The following MAST2 variants were observed in gnomAD, a reference collection of about 807,000 sequenced individuals.
The protein encoded by MAST2 is microtubule-associated serine/threonine-protein kinase 2.
A neutral mutation model predicts 147.4 loss-of-function variants in MAST2; 70 were observed. That is an observed-to-expected ratio of 0.47 (90% CI 0.39 to 0.58). MAST2 has a LOEUF of 0.58. Ranked by LOEUF, MAST2 falls within the 20% of genes least tolerant of loss-of-function variation. The pLI is 0.00. For synonymous variants in MAST2, 869 were observed against 896.8 expected (o/e 0.97, Z 0.55); for missense variants, 2,080 against 2,302.3 (o/e 0.90, Z 1.98).
chr1:45,934,070 C>A (rs1655807389), intron 4 of MAST2, among the ~76,000 whole-genome samples: 1 of 152,050 alleles, frequency 6.6e-6, no homozygotes, highest in Middle Eastern at 3.4e-3. Context: ...TCCCTCCTCC[C>A]ACCCTCCACC....
intron 11 of MAST2, among the ~76,000 whole-genome samples, chr1:46,020,523 T>C (rs897400576): frequency 3.9e-5 from 6 of 152,208 alleles, no homozygotes; most frequent in African/African-American, 1.4e-4. Context: ...TTTACTTTTT[T>C]CTTAAAAAAT....
chr1:45,870,890 C>G (rs1646359462), intron 3 of MAST2, among the ~76,000 whole-genome samples: 1 of 151,976 alleles, frequency 6.6e-6, no homozygotes, highest in African/African-American at 2.4e-5. Context: ...GATTGTGCCC[C>G]TGTACTCCAG....
chr1:45,875,202 T>G (rs1174324731), intron 3 of MAST2, among the ~76,000 whole-genome samples: 1 of 152,218 alleles, frequency 6.6e-6, no homozygotes, highest in Non-Finnish European at 1.5e-5. Context: ...TCCCAGCACT[T>G]TGGGCGACCG....
At chr1:45,992,017 C>T (rs77916237) in intron 5 of MAST2, among the ~76,000 whole-genome samples, 1 of 152,216 alleles carries the variant, frequency 6.6e-6, no homozygotes, top group East Asian at 1.9e-4. Flanking sequence ...GTATGAGCCA[C>T]TGCACCCAGT....
In MAST2 at chr1:46,035,778, G is replaced by A. The variant is rs201472561; in HGVS notation, c.5109G>A (p.Gly1703=). 5.6e-4 allele frequency: 907 copies of A among 1,614,072 alleles called. 8 individuals carry two copies. The East Asian group carries it at 0.019, about 33-fold the overall frequency. The part of the protein sequence containing the change: ...QPKNLSPREQ[G]KTQPPSAPRL... ...AGAACCTGTCTCCCAGGGAGCAGGGGAAGACACAGCCACCTAGTGCCCCCA... is the reference window on the plus strand; with the variant it reads ...AGAACCTGTCTCCCAGGGAGCAGGGAAAGACACAGCCACCTAGTGCCCCCA... The change falls in exon 29 of 29, where the codon GGG becomes GGA. Residue 1703 remains glycine, a synonymous_variant. Coordinates refer to ENST00000361297, the MANE Select transcript of MAST2 (RefSeq NM_015112.3). The surrounding 1 kb of genome is among the most constrained non-coding windows in gnomAD (Gnocchi z 5.5).
In MAST2 at chr1:46,023,038, C is replaced by T. The variant is rs987442103; in HGVS notation, c.1485+67C>T. ...CCTATGAAGCAAAGAGCTATGAATT[C>T]TCTTTAAGAGAATATCTGAGGAAGG... On this transcript the variant is annotated intron_variant, in intron 13 of 28. Coordinates refer to ENST00000361297, the MANE Select transcript of MAST2 (RefSeq NM_015112.3). The surrounding 1 kb of genome is among the most constrained non-coding windows in gnomAD (Gnocchi z 4.9). 1 of 1,475,876 alleles carries T rather than the reference C, an allele frequency of 6.8e-7. No homozygotes were observed. The highest frequency in any genetic ancestry group is 1.1e-5 in the South Asian group (1 of 87,306). The allele number at this position is 1,475,876 out of a possible 1,614,324, so 91.4% of individuals were successfully genotyped here.
intron 4 of MAST2, among the ~76,000 whole-genome samples, chr1:45,912,534 C>A (rs1270763337): frequency 6.6e-6 from 1 of 152,020 alleles, no homozygotes; most frequent in South Asian, 2.1e-4. Context: ...GAGGTGTGAC[C>A]CACATTTGAA....
chr1:45,805,371 T>A (rs937489542), intron 1 of MAST2, among the ~76,000 whole-genome samples: 1 of 152,182 alleles, frequency 6.6e-6, no homozygotes, highest in Non-Finnish European at 1.5e-5. Context: ...GCCCTTGGAC[T>A]TTTCCCCCCT....
intron 3 of MAST2, among the ~76,000 whole-genome samples, chr1:45,879,630 G>A (rs1570506695): frequency 6.9e-6 from 1 of 145,722 alleles, no homozygotes; most frequent in East Asian, 2.0e-4. Context: ...CCACAGATTA[G>A]AACATATTTA....
intron 4 of MAST2, among the ~76,000 whole-genome samples, chr1:45,897,326 G>T (rs1366883680): frequency 3.9e-5 from 6 of 152,110 alleles, no homozygotes; most frequent in Non-Finnish European, 7.4e-5. Context: ...TTGCTAAATG[G>T]GGTGAAAGCA....
chr1:45,970,142 C>CT (rs1274904741), intron 5 of MAST2, among the ~76,000 whole-genome samples: 1 of 152,216 alleles, frequency 6.6e-6, no homozygotes, highest in African/African-American at 2.4e-5. Flanking sequence ...AAAACAGTTC[C>CT]TTTTCCCTCC....
At chr1:45,804,643 G>A (rs1644085967) in intron 1 of MAST2, among the ~76,000 whole-genome samples, 1 of 152,176 alleles carries the variant, frequency 6.6e-6, no homozygotes, top group Admixed American at 6.5e-5. Flanking sequence ...CCAATTTTGT[G>A]AACAGAATTC....
chr1:45,860,835 A>C (rs892368896), intron 3 of MAST2, among the ~76,000 whole-genome samples: 1 of 150,734 alleles, frequency 6.6e-6, no homozygotes, highest in Non-Finnish European at 1.5e-5. Flanking sequence ...TCCGTCTCCA[A>C]AAAAAAAAAT....
At chr1:45,921,729 C>G (rs183517803) in intron 4 of MAST2, among the ~76,000 whole-genome samples, 46 of 152,326 alleles carry the variant, frequency 3.0e-4, no homozygotes, top group South Asian at 6.2e-4. Context: ...GCAGGAGTCA[C>G]AGCTCAGGCT....
chr1:45,870,973 T>G (rs1223165833), intron 3 of MAST2, among the ~76,000 whole-genome samples: 1 of 152,036 alleles, frequency 6.6e-6, no homozygotes, highest in African/African-American at 2.4e-5. Context: ...AAGATTTTTT[T>G]TGTTGTTGTT....
Position 45,933,062 on chromosome 1 carries a change from T to TAA in MAST2, c.501-26324_501-26323insAA, listed in dbSNP as rs1241852291. On this transcript the variant is annotated intron_variant, in intron 4 of 28. Transcript: ENST00000361297. ...AGCAACTTAGTGAGACCCCATTTCTTTAAAAAAAAAAAAAAAAAAAAAAAA... is the reference window on the plus strand; with the variant it reads ...AGCAACTTAGTGAGACCCCATTTCTTAATAAAAAAAAAAAAAAAAAAAAAAAA... Among the ~76,000 whole-genome samples, 14 of 59,714 alleles carry TAA rather than the reference T, an allele frequency of 2.3e-4. No homozygotes were observed. The East Asian group carries it at 0.012, about 51-fold the overall frequency. 39.2% of individuals were successfully genotyped at this position (59,714 alleles called of 152,430 possible).
chr1:45,810,883 T>G (rs1644271256), intron 1 of MAST2, among the ~76,000 whole-genome samples: 1 of 149,110 alleles, frequency 6.7e-6, no homozygotes, highest in Admixed American at 6.7e-5. Flanking sequence ...GAGGCAGTCT[T>G]GCTCTGTGGC....
intron 5 of MAST2, among the ~76,000 whole-genome samples, chr1:45,986,324 TTA>T (rs1416875293): frequency 6.6e-6 from 1 of 152,206 alleles, no homozygotes; most frequent in African/African-American, 2.4e-5. Context: ...ATGTAGTGAC[TTA>T]TATTGATTGA....
At chr1:45,871,855 A>T (rs1233167263) in intron 3 of MAST2, among the ~76,000 whole-genome samples, 1 of 152,184 alleles carries the variant, frequency 6.6e-6, no homozygotes, top group African/African-American at 2.4e-5. Context: ...TTATATCAAG[A>T]GACATATAAT....
Sources: gnomAD v4.1 joint callset for allele counts (sites outside exome capture counted in the v4.1 genomes callset) on GRCh38, gnomAD v4.1.1 for gene constraint, Gnocchi (gnomAD v3.1) non-coding constraint, MANE v1.5 for transcripts, NCBI Gene and HGNC (gene_info 2026-07-23, HGNC 2026-07-21) for gene names.